Variants in EPHB2 observed in about 807,000 individuals in gnomAD.
EPHB2 encodes EPH receptor B2.
EPHB2 carries 18 observed loss-of-function variants against 96.4 expected under a neutral mutation model. That is an observed-to-expected ratio of 0.19 (90% CI 0.13 to 0.28). The LOEUF (loss-of-function observed/expected upper bound fraction) is 0.28, where lower values mean the gene tolerates loss of function less well. Ranked by LOEUF, EPHB2 falls within the 10% of genes least tolerant of loss-of-function variation. The pLI is 1.00. For missense variants in EPHB2, 989 were observed against 1,355.4 expected (o/e 0.73, Z 4.25); for synonymous variants, 506 against 534.1 (o/e 0.95, Z 0.72).
At chr1:22,815,021 C>T (rs565909965) in intron 3 of EPHB2, among the ~76,000 whole-genome samples, 1 of 152,352 alleles carries the variant, frequency 6.6e-6, no homozygotes, top group South Asian at 2.1e-4. Flanking sequence ...GGGGCCGTCA[C>T]CACGCTGGGC....
chr1:22,802,068 G>C (rs1035149927), intron 3 of EPHB2, among the ~76,000 whole-genome samples: 3 of 152,182 alleles, frequency 2.0e-5, no homozygotes, highest in African/African-American at 7.2e-5. Flanking sequence ...CTCGCAGATG[G>C]GACCAGAAGT....
In EPHB2 at chr1:22,882,501, G is replaced by T. The variant is rs375835609; in HGVS notation, c.1428+18G>T. ...ATGAGAAGGTACCTATTGGCTGGGT[G>T]CTGTCCCCATCACCCACCTCCCTGA... On this transcript the variant is annotated intron_variant, in intron 6 of 15. Transcript: ENST00000374630. 3 of 1,612,946 alleles carry T rather than the reference G, an allele frequency of 1.9e-6. No individual in the cohort carries two copies. In the African/African-American group the frequency reaches 4.0e-5, roughly 22 times the overall value.
intron 1 of EPHB2, among the ~76,000 whole-genome samples, chr1:22,742,268 G>A (rs6426763): frequency 0.78 from 118,492 of 152,094 alleles, 46,576 homozygotes; most frequent in Middle Eastern, 0.81. Flanking sequence ...GATGCCCAGA[G>A]TGAGACAGGT....
At chr1:22,718,600 G>A (rs1477275355) in intron 1 of EPHB2, among the ~76,000 whole-genome samples, 2 of 151,914 alleles carry the variant, frequency 1.3e-5, no homozygotes, top group Non-Finnish European at 2.9e-5. Flanking sequence ...TGTTGGTCAG[G>A]CTGGTCTCGA....
chr1:22,783,771 T>G (rs777121504), intron 2 of EPHB2, among the ~76,000 whole-genome samples: 44 of 151,878 alleles, frequency 2.9e-4, no homozygotes, highest in Admixed American at 8.5e-4. Flanking sequence ...GGTACAGGAG[T>G]ACTCTCCCCA....
At chr1:22,887,517 C>G (rs969787872) in intron 6 of EPHB2, among the ~76,000 whole-genome samples, 2 of 152,212 alleles carry the variant, frequency 1.3e-5, no homozygotes, top group Admixed American at 6.5e-5. Flanking sequence ...CTCCGTTTGG[C>G]CTTCCCCAAG....
chr1:22,901,546 A>C (rs146961784), intron 9 of EPHB2, among the ~76,000 whole-genome samples: 1 of 152,320 alleles, frequency 6.6e-6, no homozygotes, highest in African/African-American at 2.4e-5. Flanking sequence ...TCATCCAAAC[A>C]ACAGCCCAGG....
At chr1:22,750,565 T>C (rs1644046443) in intron 1 of EPHB2, among the ~76,000 whole-genome samples, 1 of 152,016 alleles carries the variant, frequency 6.6e-6, no homozygotes, top group South Asian at 2.1e-4. Context: ...ATGGAGAAAG[T>C]CTCTGTTTCC....
At chr1:22,865,262 G>A in intron 5 of EPHB2, 50 bp downstream of exon 5, 1 of 1,605,148 alleles carries the variant, frequency 6.2e-7, no homozygotes, top group Non-Finnish European at 8.5e-7. Context: ...CGCTGTGCCA[G>A]GGAGGGTCCT....
At chr1:22,807,296 A>G (rs1570314544) in intron 3 of EPHB2, among the ~76,000 whole-genome samples, 2 of 152,148 alleles carry the variant, frequency 1.3e-5, no homozygotes, top group Admixed American at 1.3e-4. Context: ...AATGGCTTTT[A>G]TTGAGCACCT....
At chr1:22,854,346 A>G (rs1206849651) in intron 3 of EPHB2, among the ~76,000 whole-genome samples, 1 of 152,138 alleles carries the variant, frequency 6.6e-6, no homozygotes, top group Admixed American at 6.5e-5. Context: ...CCCCATCTCT[A>G]CAAAATATAC....
At chr1:22,864,189 G>A (rs1168941469) in intron 4 of EPHB2, among the ~76,000 whole-genome samples, 1 of 152,134 alleles carries the variant, frequency 6.6e-6, no homozygotes. Flanking sequence ...GGGATTACAG[G>A]CATCCGCCAT....
intron 5 of EPHB2, among the ~76,000 whole-genome samples, chr1:22,876,699 G>C (rs1203106071): frequency 1.3e-5 from 2 of 152,200 alleles, no homozygotes; most frequent in Non-Finnish European, 2.9e-5. Flanking sequence ...CCAACTTACA[G>C]GGAAACCTGA....
intron 13 of EPHB2, 130 bp downstream of exon 13, chr1:22,909,301 C>G (rs1271828105): frequency 1.4e-6 from 2 of 1,438,044 alleles, no homozygotes; most frequent in East Asian, 4.8e-5. Flanking sequence ...GGCCTGGCTC[C>G]CAGGGCAGCT....
intron 5 of EPHB2, among the ~76,000 whole-genome samples, chr1:22,874,909 G>A (rs2148540464): frequency 6.6e-6 from 1 of 152,288 alleles, no homozygotes; most frequent in South Asian, 2.1e-4. Context: ...GAGGCCAAAT[G>A]AGCCTGCGAC....
chr1:22,907,492 C>T (rs578003833), intron 11 of EPHB2, among the ~76,000 whole-genome samples: 8 of 152,204 alleles, frequency 5.3e-5, no homozygotes, highest in Non-Finnish European at 1.2e-4. Context: ...GTCAACCAAC[C>T]AGACAAAGCA....
In EPHB2 at chr1:22,864,952, G is replaced by A. The variant is rs543324058; in HGVS notation, c.1043G>A (p.Arg348His). ...TSLMLEWTPP[R>H]DSGGREDLVY... ...CTCATGCTGGAGTGGACCCCTCCCCGCGACTCCGGAGGCCGAGAGGACCTC... is the reference window on the plus strand; with the variant it reads ...CTCATGCTGGAGTGGACCCCTCCCCACGACTCCGGAGGCCGAGAGGACCTC... Residue 348 changes from arginine (R) to histidine (H), a missense_variant, in exon 5 of 16, where the codon CGC becomes CAC. Arg to His is a conservative substitution (Grantham distance 29, BLOSUM62 0). Coordinates refer to ENST00000374630, the MANE Select transcript of EPHB2 (RefSeq NM_017449.5). 31 of 1,602,022 alleles carry A rather than the reference G, an allele frequency of 1.9e-5. No homozygotes were observed. Among genetic ancestry groups the A allele is most frequent in the Middle Eastern group, 3.3e-4 (2 of 6,026 alleles).
intron 3 of EPHB2, among the ~76,000 whole-genome samples, chr1:22,839,382 A>T (rs950138713): frequency 2.0e-5 from 3 of 152,182 alleles, no homozygotes; most frequent in Admixed American, 2.0e-4. Flanking sequence ...CTGCATCTCC[A>T]TTTGCTCCTG....
At chr1:22,762,489 G>C (rs151064187) in intron 1 of EPHB2, among the ~76,000 whole-genome samples, 1 of 152,138 alleles carries the variant, frequency 6.6e-6, no homozygotes, top group Non-Finnish European at 1.5e-5. Context: ...ACCCCTCTGG[G>C]CCCATTTCCT....
Sources: allele counts gnomAD v4.1 joint callset (sites outside exome capture counted in the v4.1 genomes callset), GRCh38; gene constraint gnomAD v4.1.1; transcripts MANE v1.5; gene names NCBI Gene and HGNC (gene_info 2026-07-23, HGNC 2026-07-21).